The following APBA2 variants were observed in gnomAD, a reference collection of about 807,000 sequenced individuals.
APBA2 encodes the protein amyloid beta precursor protein binding family A member 2.
Under a neutral mutation model 75.0 loss-of-function variants are expected in APBA2, and 30 were observed. The observed-to-expected ratio is 0.40, with a 90% CI of 0.30 to 0.54. The LOEUF is 0.54. APBA2 is among the 20% of genes least tolerant of loss of function. The probability of loss-of-function intolerance (pLI) is 0.49; values close to 1 mark genes in which losing one functional copy is unlikely to be tolerated. For synonymous variants in APBA2, 444 were observed against 409.6 expected (o/e 1.08, Z -1.01); for missense variants, 801 against 1,016.1 (o/e 0.79, Z 2.88).
At chr15:29,081,330 A>C (rs2043075508) in intron 6 of APBA2, among the ~76,000 whole-genome samples, 1 of 152,186 alleles carries the variant, frequency 6.6e-6, no homozygotes, top group Non-Finnish European at 1.5e-5. Context: ...TCCAAAGAGG[A>C]GTTATGGAAA....
chr15:29,016,432 G>C (rs2039667228), intron 3 of APBA2, among the ~76,000 whole-genome samples: 1 of 152,122 alleles, frequency 6.6e-6, no homozygotes, highest in Non-Finnish European at 1.5e-5. Flanking sequence ...CTCACTTCCT[G>C]GTCCTGATGT....
At chr15:28,992,609 G>A (rs1447234245) in intron 2 of APBA2, among the ~76,000 whole-genome samples, 7 of 152,234 alleles carry the variant, frequency 4.6e-5, no homozygotes, top group African/African-American at 7.2e-5. Context: ...TGTACTGGAC[G>A]TGTTCTCTGT....
intron 3 of APBA2, among the ~76,000 whole-genome samples, chr15:29,022,372 T>C (rs746748799): frequency 6.4e-4 from 97 of 152,316 alleles, no homozygotes; most frequent in African/African-American, 2.3e-3. Flanking sequence ...CCCCGATTGG[T>C]CTTTTCCTTG....
intron 3 of APBA2, among the ~76,000 whole-genome samples, chr15:29,005,419 C>G (rs1271975494): frequency 1.3e-5 from 2 of 152,146 alleles, no homozygotes; most frequent in African/African-American, 4.8e-5. Context: ...CACCACCACA[C>G]CCAGCTAATT....
chr15:29,090,662 C>T lies in APBA2; in HGVS notation c.1070-2413C>T, dbSNP rs551942637. Among the ~76,000 whole-genome samples the T allele has an allele frequency of 1.5e-4, 23 of 152,256 alleles. No homozygotes were observed. The South Asian group carries it at 2.5e-3, about 16-fold the overall frequency. Reference sequence around the variant, plus strand: ...GGCTGTGAGGCTGGGGTACCTGGGGCGCCTGGAAGAACCAGAGCTTTCCTG... The same window carrying T: ...GGCTGTGAGGCTGGGGTACCTGGGGTGCCTGGAAGAACCAGAGCTTTCCTG... On this transcript the variant is annotated intron_variant, in intron 6 of 14. Transcript: ENST00000683413.
chr15:29,029,531 TTAAC>T (rs936920288), intron 3 of APBA2, among the ~76,000 whole-genome samples: 4 of 152,336 alleles, frequency 2.6e-5, no homozygotes, highest in African/African-American at 7.2e-5. Context: ...TTTTTGTTCT[TTAAC>T]TATCTTTGTA....
chr15:28,933,992 G>T (rs1437268236), intron 2 of APBA2, among the ~76,000 whole-genome samples: 1 of 152,208 alleles, frequency 6.6e-6, no homozygotes, highest in East Asian at 1.9e-4. Context: ...GGAGGTGGGG[G>T]TGGTTCCAGG....
chr15:29,051,291 C>A (rs2041582186), intron 3 of APBA2, among the ~76,000 whole-genome samples: 1 of 152,144 alleles, frequency 6.6e-6, no homozygotes, highest in African/African-American at 2.4e-5. Flanking sequence ...TTCGAATTGT[C>A]CTGCCAGTTT....
In APBA2 at chr15:28,969,128, T is replaced by TTTTCTTTCTTTCTTTCTTTCTTTC. The variant is rs138940957; in HGVS notation, c.-94-26593_-94-26570dup. Among the ~76,000 whole-genome samples the TTTTCTTTCTTTCTTTCTTTCTTTC allele has an allele frequency of 8.1e-3, 1,113 of 137,096 alleles. 15 individuals carry two copies. Among genetic ancestry groups the TTTTCTTTCTTTCTTTCTTTCTTTC allele is most frequent in the Middle Eastern group, 0.032 (8 of 252 alleles). 89.9% of individuals were successfully genotyped at this position (137,096 alleles called of 152,430 possible). A position where few individuals can be genotyped will look rare whatever the true frequency, so the allele number is the denominator to read the frequency against. Reference sequence around the variant, plus strand: ...TACAAAAACCTTACCTTTCATTTCTTTTTCTTTCTTTCTTTCTTTCTTTCT... The same window carrying TTTTCTTTCTTTCTTTCTTTCTTTC: ...TACAAAAACCTTACCTTTCATTTCTTTTTCTTTCTTTCTTTCTTTCTTTCTTTCTTTCTTTCTTTCTTTCTTTCT... On this transcript the variant is annotated intron_variant, in intron 2 of 14. Transcript: ENST00000683413.
intron 4 of APBA2, among the ~76,000 whole-genome samples, chr15:29,061,232 G>A (rs1056387672): frequency 6.6e-6 from 1 of 152,168 alleles, no homozygotes; most frequent in Non-Finnish European, 1.5e-5. Context: ...CATCCCACCT[G>A]TTACCTTGTG....
At chr15:28,912,492 GC>G (rs777632007) in intron 1 of APBA2, among the ~76,000 whole-genome samples, 1 of 152,246 alleles carries the variant, frequency 6.6e-6, no homozygotes, top group Non-Finnish European at 1.5e-5. Flanking sequence ...GCTCATAAAA[GC>G]CCCAAGCTCT....
In APBA2 at chr15:29,087,650, C is replaced by T. The variant is rs183828168; in HGVS notation, c.1070-5425C>T. On this transcript the variant is annotated intron_variant, in intron 6 of 14. Transcript: ENST00000683413. ...GCCCTGGCAGTACTGGAGAGTCGGG[C>T]CTGGAGGCCACGCCTTAGCTCTGCA... Among the ~76,000 whole-genome samples, 3 of 152,318 alleles carry T rather than the reference C, an allele frequency of 2.0e-5. No individual in the cohort carries two copies. In the East Asian group the frequency reaches 5.8e-4, roughly 29 times the overall value.
At chr15:28,897,536 T>C (rs1218143520) in intron 1 of APBA2, among the ~76,000 whole-genome samples, 1 of 142,226 alleles carries the variant, frequency 7.0e-6, no homozygotes, top group Non-Finnish European at 1.5e-5. Context: ...GAGAATCACC[T>C]GAACCCGGGA....
rs1184974079 is a variant in APBA2 at position 29,117,469 on chromosome 15, G to A, written c.*336G>A. ...GTGTCTTTCCTCCCTGAAGCTGTGC[G>A]GAGCGAACTGGCGCCTCCGAGGGAC... On this transcript the variant is annotated 3_prime_UTR_variant, in exon 15 of 15. Coordinates refer to ENST00000683413, the MANE Select transcript of APBA2 (RefSeq NM_001353788.2). The A allele has an allele frequency of 1.9e-5, 7 of 368,904 alleles. No homozygotes were observed. Among genetic ancestry groups the A allele is most frequent in the South Asian group, 5.4e-5 (2 of 36,890 alleles). 22.9% of individuals were successfully genotyped at this position (368,904 alleles called of 1,614,324 possible).
chr15:29,066,042 C>G (rs1231856142), intron 4 of APBA2, among the ~76,000 whole-genome samples: 1 of 152,192 alleles, frequency 6.6e-6, no homozygotes, highest in Non-Finnish European at 1.5e-5. Context: ...TTCTCATTAG[C>G]CCCTGTCCTT....
At chr15:29,066,214 A>T (rs2042374234) in intron 4 of APBA2, among the ~76,000 whole-genome samples, 1 of 152,064 alleles carries the variant, frequency 6.6e-6, no homozygotes, top group Non-Finnish European at 1.5e-5. Context: ...CGAGAGAGGG[A>T]GGTCATCCAG....
In APBA2 at chr15:28,908,315, G is replaced by GTTTTTTTTTTTT. The variant is rs765084356; in HGVS notation, c.-204-13323_-204-13312dup. ...TTGTTTTTGTTTGTTTTGTTTTCTTGTTTTTTTTTTTTTGAGACAGAGTCT... is the reference window on the plus strand; with the variant it reads ...TTGTTTTTGTTTGTTTTGTTTTCTTGTTTTTTTTTTTTTTTTTTTTTTTTTGAGACAGAGTCT... On this transcript the variant is annotated intron_variant, in intron 1 of 14. Coordinates refer to ENST00000683413, the MANE Select transcript of APBA2 (RefSeq NM_001353788.2). Among the ~76,000 whole-genome samples the GTTTTTTTTTTTT allele has an allele frequency of 2.9e-5, 4 of 137,590 alleles. 1 individual carries two copies. Among genetic ancestry groups the GTTTTTTTTTTTT allele is most frequent in the African/African-American group, 1.2e-4 (4 of 33,178 alleles). The allele number at this position is 137,590 out of a possible 152,430, so 90.3% of individuals were successfully genotyped here.
rs2045282352 is a variant in APBA2 at position 29,117,665 on chromosome 15, CAT to C, written c.*533_*534del. 1.0e-5 allele frequency: 1 copy of C among 97,634 alleles called. No homozygotes were observed. Among genetic ancestry groups the C allele is most frequent in the East Asian group, 2.4e-4 (1 of 4,218 alleles). The allele number at this position is 97,634 out of a possible 1,614,324, so 6.0% of individuals were successfully genotyped here. A position where few individuals can be genotyped will look rare whatever the true frequency, so the allele number is the denominator to read the frequency against. ...ACGACTTGTAATGAAAGTTTGGGGA[CAT>C]GTGATTGATTGATTGATTGTAAATA... On this transcript the variant is annotated 3_prime_UTR_variant, in exon 15 of 15. Coordinates refer to ENST00000683413, the MANE Select transcript of APBA2 (RefSeq NM_001353788.2).
rs140028840 is a variant in APBA2 at position 29,061,155 on chromosome 15, G to A, written c.951+6320G>A. ...GTGGCCCTGGATGGCATGTTCTCTGGATGCCTCTGGGTGGCCTGTGGAACA... is the reference window on the plus strand; with the variant it reads ...GTGGCCCTGGATGGCATGTTCTCTGAATGCCTCTGGGTGGCCTGTGGAACA... On this transcript the variant is annotated intron_variant, in intron 4 of 14. Coordinates refer to ENST00000683413, the MANE Select transcript of APBA2 (RefSeq NM_001353788.2). Among the ~76,000 whole-genome samples, 988 of 152,334 alleles carry A rather than the reference G, an allele frequency of 6.5e-3. 11 individuals carry two copies. The highest frequency in any genetic ancestry group is 0.023 in the African/African-American group (939 of 41,574).
Sources: allele counts gnomAD v4.1 joint callset (sites outside exome capture counted in the v4.1 genomes callset), GRCh38; gene constraint gnomAD v4.1.1; transcripts MANE v1.5; gene names NCBI Gene and HGNC (gene_info 2026-07-23, HGNC 2026-07-21).